The following JPH3 variants were observed in gnomAD, a reference collection of about 807,000 sequenced individuals.
The protein encoded by JPH3 is junctophilin-3.
A neutral mutation model predicts 59.6 loss-of-function variants in JPH3; 11 were observed. The ratio of observed to expected loss-of-function variants is 0.18; its 90% CI spans 0.12 to 0.31. The LOEUF is 0.31. JPH3 is among the 10% of genes least tolerant of loss of function. The pLI is 1.00. For missense variants in JPH3, 1,202 were observed against 1,105.7 expected (o/e 1.09, Z -1.24); for synonymous variants, 673 against 483.6 (o/e 1.39, Z -5.14).
chr16:87,685,825 C>T (rs1017711195), intron 3 of JPH3, among the ~76,000 whole-genome samples: 2 of 152,216 alleles, frequency 1.3e-5, no homozygotes, highest in African/African-American at 2.4e-5. Flanking sequence ...GGGGACCAGA[C>T]AGGGAACATT....
At chr16:87,677,226 A>ACACACACACACACACAC (rs1491554199) in intron 2 of JPH3, among the ~76,000 whole-genome samples, 23 of 88,008 alleles carry the variant, frequency 2.6e-4, no homozygotes, top group East Asian at 3.6e-4. Flanking sequence ...ACACACACAC[A>ACACACACACACACACAC]AAAAAAAAAA....
intron 1 of JPH3, among the ~76,000 whole-genome samples, chr16:87,621,539 G>A (rs1034998616): frequency 1.3e-5 from 2 of 152,184 alleles, no homozygotes; most frequent in Admixed American, 6.5e-5. Context: ...GCTTCCCCTC[G>A]TGATTCTCCT....
chr16:87,651,695 A>C (rs1346661895), intron 2 of JPH3, among the ~76,000 whole-genome samples: 4 of 152,270 alleles, frequency 2.6e-5, no homozygotes. Flanking sequence ...CCACACTCGA[A>C]AGACTGAGGA....
At chr16:87,624,065 G>C (rs2031283518) in intron 1 of JPH3, among the ~76,000 whole-genome samples, 1 of 152,212 alleles carries the variant, frequency 6.6e-6, no homozygotes, top group South Asian at 2.1e-4. Flanking sequence ...CAGAGGCCAG[G>C]TTGTCGCTGT....
chr16:87,666,121 G>A (rs974803433), intron 2 of JPH3, among the ~76,000 whole-genome samples: 4 of 148,414 alleles, frequency 2.7e-5, no homozygotes, highest in East Asian at 2.0e-4. Flanking sequence ...ACAGAGTTTC[G>A]CTCATTGCCC....
chr16:87,619,180 G>C (rs947654238), intron 1 of JPH3, among the ~76,000 whole-genome samples: 3 of 152,086 alleles, frequency 2.0e-5, no homozygotes, highest in Non-Finnish European at 2.9e-5. Context: ...AGCTGGGCAT[G>C]GTGGTGCCTG....
chr16:87,622,210 T>G (rs1390353719), intron 1 of JPH3, among the ~76,000 whole-genome samples: 1 of 152,202 alleles, frequency 6.6e-6, no homozygotes, highest in African/African-American at 2.4e-5. Flanking sequence ...TTCCGAGGCC[T>G]CAGCTGGTCC....
intron 1 of JPH3, 40 bp downstream of exon 1, chr16:87,603,568 C>G (rs1597228703): frequency 6.5e-7 from 1 of 1,530,780 alleles, no homozygotes; most frequent in East Asian, 2.5e-5. Context: ...GCGGGAGGGA[C>G]GTGCTTCCGA....
chr16:87,658,309 G>A (rs2032575936), intron 2 of JPH3, among the ~76,000 whole-genome samples: 1 of 152,112 alleles, frequency 6.6e-6, no homozygotes, highest in African/African-American at 2.4e-5. Context: ...AAAAAAGGGT[G>A]GGAGAGTTAG....
At chr16:87,612,315 G>T (rs1035132216) in intron 1 of JPH3, among the ~76,000 whole-genome samples, 4 of 152,086 alleles carry the variant, frequency 2.6e-5, no homozygotes, top group African/African-American at 9.7e-5. Context: ...TGTAGAGATG[G>T]GGTTTTGTCG....
At chr16:87,643,165 G>A (rs1031376124) in intron 1 of JPH3, among the ~76,000 whole-genome samples, 1 of 152,200 alleles carries the variant, frequency 6.6e-6, no homozygotes, top group Non-Finnish European at 1.5e-5. Flanking sequence ...GCCCAGCTCA[G>A]TTCACTCTGT....
chr16:87,620,390 G>A (rs1398966904), intron 1 of JPH3, among the ~76,000 whole-genome samples: 1 of 149,254 alleles, frequency 6.7e-6, no homozygotes, highest in Non-Finnish European at 1.5e-5. Flanking sequence ...AAGGGAAGGA[G>A]CATTTGAGCC....
chr16:87,696,101 G>C (rs1335354355), intron 4 of JPH3: 2 of 457,734 alleles, frequency 4.4e-6, no homozygotes, highest in African/African-American at 2.0e-5. Context: ...CACGGACTTT[G>C]GGAGTCCTCT....
upstream of JPH3, chr16:87,602,317 G>A (rs1423287064): frequency 1.4e-5 from 2 of 145,638 alleles, no homozygotes; most frequent in Non-Finnish European, 3.0e-5. Context: ...CGGGGAGCGC[G>A]GGGCTGGGGG....
chr16:87,605,211 C>T (rs115574474), intron 1 of JPH3, among the ~76,000 whole-genome samples: 5 of 152,262 alleles, frequency 3.3e-5, no homozygotes, highest in African/African-American at 4.8e-5. Flanking sequence ...GGCATGGGGA[C>T]GAGAGGAGCC....
At chr16:87,649,146 G>T (rs979782305) in intron 2 of JPH3, among the ~76,000 whole-genome samples, 1 of 152,170 alleles carries the variant, frequency 6.6e-6, no homozygotes, top group Non-Finnish European at 1.5e-5. Context: ...GCGGGAGCCA[G>T]TGGCCCCGCG....
At chr16:87,639,483 C>T (rs751626687) in intron 1 of JPH3, among the ~76,000 whole-genome samples, 2 of 152,160 alleles carry the variant, frequency 1.3e-5, no homozygotes, top group East Asian at 1.9e-4. Flanking sequence ...TCACGTGTGC[C>T]GTTCTGTGGC....
intron 2 of JPH3, among the ~76,000 whole-genome samples, chr16:87,661,158 C>T (rs80258093): frequency 3.9e-5 from 6 of 152,326 alleles, no homozygotes; most frequent in East Asian, 1.9e-4. Context: ...GAGGTCCCTC[C>T]TCCACCTTCA....
At chr16:87,667,511 A>C (rs1429245605) in intron 2 of JPH3, among the ~76,000 whole-genome samples, 1 of 152,170 alleles carries the variant, frequency 6.6e-6, no homozygotes, top group Non-Finnish European at 1.5e-5. Context: ...TGAAGTCGGG[A>C]GCGTGAGGAC....
Sources: gnomAD v4.1 joint callset for allele counts (sites outside exome capture counted in the v4.1 genomes callset) on GRCh38, gnomAD v4.1.1 for gene constraint, MANE v1.5 for transcripts, NCBI Gene and HGNC (gene_info 2026-07-23, HGNC 2026-07-21) for gene names.